The following ADCY2 variants were observed in gnomAD, a reference collection of about 807,000 sequenced individuals.
ADCY2 encodes adenylate cyclase 2.
A neutral mutation model predicts 125.2 loss-of-function variants in ADCY2; 31 were observed. The ratio of observed to expected loss-of-function variants is 0.25; its 90% CI spans 0.19 to 0.33. The LOEUF (loss-of-function observed/expected upper bound fraction) is 0.33, where lower values mean the gene tolerates loss of function less well. Ranked by LOEUF, ADCY2 falls within the 10% of genes least tolerant of loss-of-function variation. ADCY2 has a pLI of 1.00. For missense variants in ADCY2, 904 were observed against 1,418.2 expected, an observed-to-expected ratio of 0.64 and a Z score of 5.82; for synonymous variants, 512 against 548.4, an observed-to-expected ratio of 0.93 and a Z score of 0.93.
intron 3 of ADCY2, among the ~76,000 whole-genome samples, chr5:7,588,915 A>C (rs933238574): frequency 3.3e-5 from 5 of 152,252 alleles, no homozygotes; most frequent in African/African-American, 1.2e-4. Context: ...AATATTGTAA[A>C]GGAGGAAAAT....
At chr5:7,464,626 G>A (rs557348394) in intron 2 of ADCY2, among the ~76,000 whole-genome samples, 7 of 152,248 alleles carry the variant, frequency 4.6e-5, no homozygotes, top group Admixed American at 3.9e-4. Flanking sequence ...CCAGAGCTGG[G>A]GTGGGGTGCA....
intron 18 of ADCY2, among the ~76,000 whole-genome samples, chr5:7,776,716 A>G (rs1743740048): frequency 6.6e-6 from 1 of 152,180 alleles, no homozygotes; most frequent in African/African-American, 2.4e-5. Flanking sequence ...GCACCACCCA[A>G]TCAGCTGCCA....
chr5:7,601,394 G>A (rs1033871842), intron 3 of ADCY2, among the ~76,000 whole-genome samples: 4 of 152,162 alleles, frequency 2.6e-5, no homozygotes, highest in Admixed American at 6.5e-5. Context: ...CCTCTGTACA[G>A]GGCAAAAGTC....
At chr5:7,631,404 T>A (rs1477418252) in intron 4 of ADCY2, among the ~76,000 whole-genome samples, 1 of 152,142 alleles carries the variant, frequency 6.6e-6, no homozygotes, top group East Asian at 1.9e-4. Context: ...TTAAACCGAA[T>A]AAAGAAACTG....
chr5:7,690,190 A>G (rs1019539508), intron 4 of ADCY2, among the ~76,000 whole-genome samples: 1 of 152,182 alleles, frequency 6.6e-6, no homozygotes, highest in African/African-American at 2.4e-5. Flanking sequence ...TCTAAAGAGG[A>G]TTAGGTGCTT....
intron 4 of ADCY2, among the ~76,000 whole-genome samples, chr5:7,665,828 CTTTTTTTTTT>C (rs70940750): frequency 2.6e-4 from 10 of 38,616 alleles, no homozygotes; most frequent in Admixed American, 4.3e-4. Flanking sequence ...TAATTTAATT[CTTTTTTTTTT>C]TTTTTTTTTT....
Position 7,507,313 on chromosome 5 carries a change from C to A in ADCY2, c.409-13425C>A, listed in dbSNP as rs1226169658. On this transcript the variant is annotated intron_variant, in intron 2 of 24. Coordinates refer to ENST00000338316, the MANE Select transcript of ADCY2 (RefSeq NM_020546.3). Reference sequence around the variant, plus strand: ...AAAATTAGCCGGGCGTAGTGGCGGGCGCCTGTAGTCCCAGCTACTTGGGAG... The same window carrying A: ...AAAATTAGCCGGGCGTAGTGGCGGGAGCCTGTAGTCCCAGCTACTTGGGAG... Among the ~76,000 whole-genome samples the A allele has an allele frequency of 1.4e-4, 19 of 138,882 alleles. 1 individual carries two copies. Among genetic ancestry groups the A allele is most frequent in the Admixed American group, 8.4e-4 (12 of 14,296 alleles). 91.1% of individuals were successfully genotyped at this position (138,882 alleles called of 152,430 possible). A position where few individuals can be genotyped will look rare whatever the true frequency, so the allele number is the denominator to read the frequency against.
chr5:7,597,734 A>C (rs1347560551), intron 3 of ADCY2, among the ~76,000 whole-genome samples: 4 of 152,226 alleles, frequency 2.6e-5, no homozygotes, highest in Non-Finnish European at 5.9e-5. Context: ...CCATGATTGC[A>C]TGATTGCACC....
chr5:7,613,228 G>A (rs1438486520), intron 3 of ADCY2, among the ~76,000 whole-genome samples: 1 of 151,950 alleles, frequency 6.6e-6, no homozygotes, highest in East Asian at 1.9e-4. Flanking sequence ...GCACACTGGA[G>A]AAGCCCTAGG....
At chr5:7,477,246 G>C (rs186220409) in intron 2 of ADCY2, among the ~76,000 whole-genome samples, 4 of 152,000 alleles carry the variant, frequency 2.6e-5, no homozygotes, top group African/African-American at 9.7e-5. Flanking sequence ...TAAATCAAGA[G>C]ACAGAAAATA....
intron 3 of ADCY2, among the ~76,000 whole-genome samples, chr5:7,582,089 TA>T (rs1317033428): frequency 6.6e-6 from 1 of 152,124 alleles, no homozygotes; most frequent in African/African-American, 2.4e-5. Context: ...AAAAGATAAG[TA>T]GGCAAACAGG....
intron 2 of ADCY2, among the ~76,000 whole-genome samples, chr5:7,509,851 GT>G (rs1410738350): frequency 6.6e-6 from 1 of 152,120 alleles, no homozygotes; most frequent in Admixed American, 6.6e-5. Context: ...ATCATAAAAG[GT>G]TTTATTAAGT....
At chr5:7,506,542 C>A (rs1579514764) in intron 2 of ADCY2, among the ~76,000 whole-genome samples, 1 of 152,174 alleles carries the variant, frequency 6.6e-6, no homozygotes, top group South Asian at 2.1e-4. Context: ...AAAGCCAGGG[C>A]ACTGTGATAT....
chr5:7,545,355 C>G (rs140353218), intron 3 of ADCY2, among the ~76,000 whole-genome samples: 3 of 152,108 alleles, frequency 2.0e-5, no homozygotes, highest in African/African-American at 7.2e-5. Flanking sequence ...CTCCTTTCTA[C>G]AAGGAAAAGA....
intron 4 of ADCY2, among the ~76,000 whole-genome samples, chr5:7,647,454 G>A (rs1323818053): frequency 6.6e-6 from 1 of 152,118 alleles, no homozygotes; most frequent in Non-Finnish European, 1.5e-5. Flanking sequence ...GTGCATGTGG[G>A]CCCTGTGTGC....
intron 15 of ADCY2, among the ~76,000 whole-genome samples, chr5:7,751,466 A>G (rs1742812762): frequency 6.6e-6 from 1 of 152,186 alleles, no homozygotes; most frequent in African/African-American, 2.4e-5. Context: ...AGTCTAAAGT[A>G]TCATTTACCA....
chr5:7,444,611 TA>T lies in ADCY2; in HGVS notation c.408+29843del, dbSNP rs1423940729. Among the ~76,000 whole-genome samples the T allele has an allele frequency of 4.6e-5, 7 of 152,302 alleles. No individual in the cohort carries two copies. The East Asian group carries it at 1.2e-3, about 25-fold the overall frequency. Reference sequence around the variant, plus strand: ...TTACTCTTAGCAATGCTACAATGAATAATTTTTTCCATTTTTGCCGGTGTAT... The same window carrying T: ...TTACTCTTAGCAATGCTACAATGAATATTTTTTCCATTTTTGCCGGTGTAT... On this transcript the variant is annotated intron_variant, in intron 2 of 24. Coordinates refer to ENST00000338316, the MANE Select transcript of ADCY2 (RefSeq NM_020546.3).
intron 15 of ADCY2, among the ~76,000 whole-genome samples, chr5:7,750,904 G>A (rs1579389647): frequency 6.6e-6 from 1 of 152,000 alleles, no homozygotes; most frequent in African/African-American, 2.4e-5. Flanking sequence ...CAACGTCATT[G>A]TCCAATATCT....
chr5:7,472,290 C>G (rs1742369463), intron 2 of ADCY2, among the ~76,000 whole-genome samples: 1 of 152,100 alleles, frequency 6.6e-6, no homozygotes, highest in African/African-American at 2.4e-5. Flanking sequence ...CGTATCTAAA[C>G]TTTCTTGAAT....
Sources: allele counts gnomAD v4.1 joint callset (sites outside exome capture counted in the v4.1 genomes callset), GRCh38; gene constraint gnomAD v4.1.1; transcripts MANE v1.5; gene names NCBI Gene and HGNC (gene_info 2026-07-23, HGNC 2026-07-21).